Variants in ARID2 observed in about 807,000 individuals in gnomAD.
ARID2 encodes the protein AT-rich interactive domain-containing protein 2.
In ARID2, 32 loss-of-function variants were observed where a neutral mutation model predicts 184.6. That is an observed-to-expected ratio of 0.17 (90% confidence interval 0.13 to 0.23). The LOEUF is 0.23. ARID2 is among the 10% of genes least tolerant of loss of function. The pLI is 1.00. For missense variants in ARID2, 1,696 were observed against 2,197.6 expected, an observed-to-expected ratio of 0.77 and a Z score of 4.56; for synonymous variants, 836 against 772.6, an observed-to-expected ratio of 1.08 and a Z score of -1.36.
chr12:45,823,701 A>G (rs925924365), intron 6 of ARID2, among the ~76,000 whole-genome samples: 2 of 152,100 alleles, frequency 1.3e-5, no homozygotes, highest in African/African-American at 4.8e-5. Context: ...AAAATGGATA[A>G]ATACTTGGAC....
At chr12:45,895,784 C>T (rs573321146) in intron 20 of ARID2, among the ~76,000 whole-genome samples, 3 of 152,308 alleles carry the variant, frequency 2.0e-5, no homozygotes, top group East Asian at 1.9e-4. Context: ...CCACCTGCCT[C>T]GGCCTCCCAA....
chr12:45,903,402 C>T (rs1359853285), intron 20 of ARID2, among the ~76,000 whole-genome samples: 2 of 152,100 alleles, frequency 1.3e-5, no homozygotes, highest in African/African-American at 4.8e-5. Flanking sequence ...CTACATGATG[C>T]CAACCAATTC....
At chr12:45,783,304 T>C (rs548434747) in intron 3 of ARID2, among the ~76,000 whole-genome samples, 1 of 152,330 alleles carries the variant, frequency 6.6e-6, no homozygotes, top group South Asian at 2.1e-4. Flanking sequence ...TGAAATTAGC[T>C]AATTCAGCAG....
At chr12:45,798,280 C>T (rs1942429911) in intron 3 of ARID2, among the ~76,000 whole-genome samples, 1 of 152,000 alleles carries the variant, frequency 6.6e-6, no homozygotes, top group Non-Finnish European at 1.5e-5. Flanking sequence ...TCTTTGCTAA[C>T]ATGCAATGTA....
chr12:45,817,109 A>G (rs1021514853), intron 4 of ARID2, among the ~76,000 whole-genome samples: 1 of 152,218 alleles, frequency 6.6e-6, no homozygotes, highest in Non-Finnish European at 1.5e-5. Context: ...GTAATGCAGC[A>G]CTTTGGGAGG....
chr12:45,817,851 C>T lies in ARID2; in HGVS notation c.600C>T (p.Ile200=), dbSNP rs1361867401. 6.2e-7 allele frequency: 1 copy of T among 1,613,016 alleles called. No homozygotes were observed. The highest frequency in any genetic ancestry group is 8.5e-7 in the Non-Finnish European group (1 of 1,179,598). Residue 200 remains isoleucine, a synonymous_variant, in exon 5 of 21, where the codon ATC becomes ATT. Coordinates refer to ENST00000334344, the MANE Select transcript of ARID2 (RefSeq NM_152641.4). ...VMQLEKDPKI[I]TLLLANAGVF... Reference sequence around the variant, plus strand: ...AACTTGAAAAAGATCCTAAAATCATCACTTTACTACTTGCTAATGCCGGGG... The same window carrying T: ...AACTTGAAAAAGATCCTAAAATCATTACTTTACTACTTGCTAATGCCGGGG...
chr12:45,766,059 A>G (rs1941764894), intron 3 of ARID2, among the ~76,000 whole-genome samples: 1 of 152,172 alleles, frequency 6.6e-6, no homozygotes, highest in African/African-American at 2.4e-5. Context: ...TTGTTTAGGT[A>G]TCCACTTCTT....
At chr12:45,779,380 T>G (rs1362206168) in intron 3 of ARID2, among the ~76,000 whole-genome samples, 1 of 152,152 alleles carries the variant, frequency 6.6e-6, no homozygotes, top group Non-Finnish European at 1.5e-5. Context: ...TTAAAAATCT[T>G]TACTATTTCA....
At chr12:45,786,136 T>C (rs571878675) in intron 3 of ARID2, among the ~76,000 whole-genome samples, 8 of 152,222 alleles carry the variant, frequency 5.3e-5, no homozygotes, top group African/African-American at 1.2e-4. Flanking sequence ...TTTATAAATA[T>C]AATTTTAACT....
intron 3 of ARID2, among the ~76,000 whole-genome samples, chr12:45,757,908 A>G (rs1406089181): frequency 2.0e-5 from 3 of 152,178 alleles, no homozygotes; most frequent in Non-Finnish European, 2.9e-5. Context: ...GCTTGCTTCA[A>G]TTATCCGTTA....
chr12:45,789,803 C>T (rs1046636554), intron 3 of ARID2: 1 of 152,010 alleles, frequency 6.6e-6, no homozygotes, highest in Admixed American at 6.6e-5. Flanking sequence ...CCTTCTTGAA[C>T]CAAGTAATAT....
intron 16 of ARID2, among the ~76,000 whole-genome samples, chr12:45,869,756 G>A (rs532012879): frequency 1.3e-5 from 2 of 151,722 alleles, no homozygotes; most frequent in Non-Finnish European, 1.5e-5. Context: ...GGTGGCGGGC[G>A]ACTGTAATCC....
intron 3 of ARID2, among the ~76,000 whole-genome samples, chr12:45,735,418 CGTGTGTGTGTGTGTGTGTGT>C (rs56133410): frequency 2.1e-5 from 3 of 141,322 alleles, no homozygotes; most frequent in East Asian, 4.2e-4. Flanking sequence ...TAAACTGTAT[CGTGTGTGTGTGTGTGTGTGT>C]GTGTGTGTGT....
At chr12:45,798,140 C>T (rs1229133452) in intron 3 of ARID2, among the ~76,000 whole-genome samples, 1 of 152,130 alleles carries the variant, frequency 6.6e-6, no homozygotes, top group East Asian at 1.9e-4. Flanking sequence ...CTAATTTTCT[C>T]ACTTTTTACA....
At chr12:45,889,807 AG>A (rs1944264227) in intron 16 of ARID2, among the ~76,000 whole-genome samples, 1 of 152,144 alleles carries the variant, frequency 6.6e-6, no homozygotes, top group Non-Finnish European at 1.5e-5. Context: ...GCGTGGTGGC[AG>A]GTGCCTGTAG....
At chr12:45,733,567 TTG>T (rs958326277) in intron 3 of ARID2, among the ~76,000 whole-genome samples, 1 of 152,250 alleles carries the variant, frequency 6.6e-6, no homozygotes, top group African/African-American at 2.4e-5. Context: ...ATTTGACCTA[TTG>T]TAAGACTGTC....
chr12:45,838,538 C>T (rs1943263698), intron 10 of ARID2, among the ~76,000 whole-genome samples: 1 of 152,082 alleles, frequency 6.6e-6, no homozygotes, highest in South Asian at 2.1e-4. Context: ...GAGGCCAAGG[C>T]AGGAAAATCA....
Position 45,787,218 on chromosome 12 carries a change from C to CTTTT in ARID2, c.285-24187_285-24184dup, listed in dbSNP as rs1273672108. On this transcript the variant is annotated intron_variant, in intron 3 of 20. Coordinates refer to ENST00000334344, the MANE Select transcript of ARID2 (RefSeq NM_152641.4). ...TCCACAATGTATACCTATTTCTTTT[C>CTTTT]TTTTTTTTTTTTTTTTAAAGACAGG... Among the ~76,000 whole-genome samples the CTTTT allele has an allele frequency of 2.1e-3, 293 of 136,756 alleles. 10 individuals are homozygous for CTTTT. The South Asian group carries it at 0.065, about 30-fold the overall frequency. 89.7% of individuals were successfully genotyped at this position (136,756 alleles called of 152,430 possible).
chr12:45,740,438 CAT>C (rs1775427969), intron 3 of ARID2, among the ~76,000 whole-genome samples: 1 of 151,570 alleles, frequency 6.6e-6, no homozygotes, highest in African/African-American at 2.4e-5. Context: ...CACACTATCA[CAT>C]ATAAAAAGAA....
Sources: gnomAD v4.1 joint callset for allele counts (sites outside exome capture counted in the v4.1 genomes callset) on GRCh38, gnomAD v4.1.1 for gene constraint, MANE v1.5 for transcripts, NCBI Gene and HGNC (gene_info 2026-07-23, HGNC 2026-07-21) for gene names.